MCF2L: variants seen among roughly 807,000 people sequenced by gnomAD.
MCF2L encodes guanine nucleotide exchange factor DBS.
A neutral mutation model predicts 153.4 loss-of-function variants in MCF2L; 97 were observed. The observed-to-expected ratio is 0.63, with a 90% confidence interval of 0.54 to 0.75. MCF2L has a LOEUF of 0.75. Ranked by LOEUF, MCF2L falls within the 30% of genes least tolerant of loss-of-function variation. The pLI, the probability that MCF2L is intolerant of heterozygous loss-of-function variation, is 0.00. For missense variants in MCF2L, 1,347 were observed against 1,495.2 expected (o/e 0.90, Z 1.64); for synonymous variants, 659 against 632.2 (o/e 1.04, Z -0.64).
chr13:113,026,186 G>A (rs1271916102), intron 3 of MCF2L, among the ~76,000 whole-genome samples: 2 of 149,754 alleles, frequency 1.3e-5, no homozygotes, highest in Admixed American at 6.7e-5. Context: ...TGGGGTCCCC[G>A]TGACTGTGGG....
chr13:113,067,086 G>A (rs929993009), intron 8 of MCF2L, among the ~76,000 whole-genome samples: 5 of 152,270 alleles, frequency 3.3e-5, no homozygotes, highest in African/African-American at 1.2e-4. Flanking sequence ...CCTGTGTCAG[G>A]CACCTTGTCA....
At chr13:112,908,676 C>T (rs1240504563) in intron 2 of MCF2L, among the ~76,000 whole-genome samples, 1 of 152,102 alleles carries the variant, frequency 6.6e-6, no homozygotes, top group African/African-American at 2.4e-5. Flanking sequence ...GCAAGCATCA[C>T]TAGTCACCAG....
intron 3 of MCF2L, among the ~76,000 whole-genome samples, chr13:113,034,395 C>A (rs1251130517): frequency 6.6e-6 from 1 of 152,210 alleles, no homozygotes; most frequent in Non-Finnish European, 1.5e-5. Context: ...CCTCAGCTTC[C>A]CAAAGTGCTG....
At chr13:113,087,878 C>T (rs2034788884) in intron 23 of MCF2L, 79 bp downstream of exon 23, 2 of 1,242,562 alleles carry the variant, frequency 1.6e-6, no homozygotes, top group South Asian at 2.5e-5. Context: ...AAGGATCTGC[C>T]ATGAAGTTGC....
chr13:112,964,912 A>G (rs1488579380), upstream of MCF2L: 2 of 152,228 alleles, frequency 1.3e-5, no homozygotes, highest in East Asian at 1.9e-4. Context: ...AGACAAAAAT[A>G]CATATTAAGT....
chr13:113,020,498 C>G (rs1218903200), intron 2 of MCF2L, among the ~76,000 whole-genome samples: 5 of 152,242 alleles, frequency 3.3e-5, no homozygotes, highest in Admixed American at 2.6e-4. Flanking sequence ...CAGTTTATTT[C>G]TCTTGGTTCT....
intron 8 of MCF2L, among the ~76,000 whole-genome samples, chr13:113,069,639 G>C (rs1176313761): frequency 6.6e-6 from 1 of 151,960 alleles, no homozygotes; most frequent in African/African-American, 2.4e-5. Context: ...CACAGCTGGA[G>C]TCCCAGCTAC....
At chr13:112,974,991 C>G (rs2082167931) in intron 1 of MCF2L, among the ~76,000 whole-genome samples, 1 of 152,222 alleles carries the variant, frequency 6.6e-6, no homozygotes, top group African/African-American at 2.4e-5. Flanking sequence ...CCCCTTCTTT[C>G]ACCAGAACTA....
chr13:113,076,982 G>C (rs1024689956), intron 12 of MCF2L, 70 bp from the exon 13 acceptor site: 2 of 1,523,558 alleles, frequency 1.3e-6, no homozygotes, highest in African/African-American at 2.7e-5. Flanking sequence ...GGCACGTTCT[G>C]CGCCTGACTG....
chr13:112,985,877 C>G (rs1398619820), intron 1 of MCF2L, among the ~76,000 whole-genome samples: 1 of 152,150 alleles, frequency 6.6e-6, no homozygotes, highest in Non-Finnish European at 1.5e-5. Flanking sequence ...CTTTGCTGGT[C>G]CCCTTGACCA....
rs1441418221 is a variant in MCF2L at position 113,001,923 on chromosome 13, C to T, written c.80-12840C>T. 4.4e-6 allele frequency: 7 copies of T among 1,594,150 alleles called. No homozygotes were observed. The East Asian group carries it at 6.8e-5, about 15-fold the overall frequency. On this transcript the variant is annotated intron_variant, in intron 1 of 29. Coordinates refer to ENST00000535094, the MANE Select transcript of MCF2L (RefSeq NM_001112732.3). ...CGCACTGGGCAGCATGACGGTGCGCCGGCTGTCACTGCTGTGCCGGGACCT... is the reference window on the plus strand; with the variant it reads ...CGCACTGGGCAGCATGACGGTGCGCTGGCTGTCACTGCTGTGCCGGGACCT...
intron 8 of MCF2L, among the ~76,000 whole-genome samples, chr13:113,066,850 C>T (rs188891318): frequency 3.3e-5 from 5 of 152,294 alleles, no homozygotes; most frequent in South Asian, 2.1e-4. Context: ...CCGGCAGGGC[C>T]GTGCGGGGCG....
intron 2 of MCF2L, chr13:112,957,406 T>A (rs1294841807): frequency 6.6e-6 from 1 of 152,234 alleles, no homozygotes; most frequent in Non-Finnish European, 1.5e-5. Context: ...GCCCACTTTC[T>A]TCATAGAACG....
Position 113,076,250 on chromosome 13 carries a change from T to G in MCF2L, c.1500+93T>G. 4 of 867,570 alleles carry G rather than the reference T, an allele frequency of 4.6e-6. No individual in the cohort carries two copies. The Admixed American group carries it at 1.1e-4, about 24-fold the overall frequency. 53.7% of individuals were successfully genotyped at this position (867,570 alleles called of 1,614,324 possible). ...AGTTTGAAAGAATCATTTAATGAAT[T>G]ATTTGTATTTATTTATTATTATTTT... On this transcript the variant is annotated intron_variant, in intron 12 of 29. Coordinates refer to ENST00000535094, the MANE Select transcript of MCF2L (RefSeq NM_001112732.3).
intron 2 of MCF2L, among the ~76,000 whole-genome samples, chr13:112,922,966 G>A (rs984822391): frequency 2.6e-5 from 4 of 152,206 alleles, no homozygotes; most frequent in Non-Finnish European, 4.4e-5. Flanking sequence ...AAAAGCACTC[G>A]ACAAATGCGG....
chr13:112,945,487 A>G (rs2081628211), intron 2 of MCF2L, among the ~76,000 whole-genome samples: 1 of 152,282 alleles, frequency 6.6e-6, no homozygotes, highest in South Asian at 2.1e-4. Context: ...TGCTTATTAT[A>G]TAAAGAAATG....
rs903015819 is a variant in MCF2L, at chr13:112,943,655, C to T, written c.169+41284C>T. Among the ~76,000 whole-genome samples the T allele has an allele frequency of 6.6e-6, 1 of 152,094 alleles. No individual in the cohort carries two copies. The highest frequency in any genetic ancestry group is 6.5e-5 in the Admixed American group (1 of 15,290). On this transcript the variant is annotated intron_variant, in intron 2 of 29. Transcript: ENST00000375608. This position sits in a 1 kb window ranked among gnomAD's most constrained non-coding sequence, Gnocchi z 4.2. ...GGGACCTGCCGGCCAGTCCCTTACCCGGGGACAGACGGGGAAGGCGGGAGC... is the reference window on the plus strand; with the variant it reads ...GGGACCTGCCGGCCAGTCCCTTACCTGGGGACAGACGGGGAAGGCGGGAGC...
In MCF2L at chr13:113,050,465, C is replaced by T. The variant is rs548056758; in HGVS notation, c.369+5104C>T. On this transcript the variant is annotated intron_variant, in intron 4 of 29. Coordinates refer to ENST00000535094, the MANE Select transcript of MCF2L (RefSeq NM_001112732.3). ...ACTGCATGGGGCCACAACTCTCTTT[C>T]CTGTAACGCCGGTGCAGTCTGTGTG... Among the ~76,000 whole-genome samples, 4 of 151,518 alleles carry T rather than the reference C, an allele frequency of 2.6e-5. No homozygotes were observed. In the East Asian group the frequency reaches 5.8e-4, roughly 22 times the overall value.
chr13:112,997,945 G>A (rs528458679), intron 1 of MCF2L, among the ~76,000 whole-genome samples: 306 of 152,372 alleles, frequency 2.0e-3, no homozygotes, highest in Non-Finnish European at 1.7e-3. Flanking sequence ...TCTTGGCTGA[G>A]GTGCTGGGCC....
Sources: allele counts gnomAD v4.1 joint callset (sites outside exome capture counted in the v4.1 genomes callset), GRCh38; gene constraint gnomAD v4.1.1; non-coding constraint Gnocchi (gnomAD v3.1); transcripts MANE v1.5; gene names NCBI Gene and HGNC (gene_info 2026-07-23, HGNC 2026-07-21).